CNTN1: variants seen among roughly 807,000 people sequenced by gnomAD.
CNTN1 encodes the protein contactin 1, also known as contactin-1.
In CNTN1, 38 loss-of-function variants were observed where a neutral mutation model predicts 126.4. The observed-to-expected ratio is 0.30, with a 90% CI of 0.23 to 0.39. CNTN1 has a LOEUF of 0.39. Ranked by LOEUF, CNTN1 falls within the 10% of genes least tolerant of loss-of-function variation. CNTN1 has a pLI of 1.00. For synonymous variants in CNTN1, 413 were observed against 422.6 expected (o/e 0.98, Z 0.28); for missense variants, 1,009 against 1,248.4 (o/e 0.81, Z 2.89).
In CNTN1 at chr12:40,910,099, C is replaced by T. The variant is rs761115531; in HGVS notation, c.88C>T (p.His30Tyr). 3.7e-6 allele frequency: 6 copies of T among 1,605,468 alleles called. No homozygotes were observed. The highest frequency in any genetic ancestry group is 5.1e-6 in the Non-Finnish European group (6 of 1,173,382). The change falls in exon 3 of 24, where the codon CAT (histidine) becomes TAT (tyrosine). Residue 30 changes from histidine (H) to tyrosine (Y), a missense_variant. Coordinates refer to ENST00000551295, the MANE Select transcript of CNTN1 (RefSeq NM_001843.4). ...GTTTACATGGTATAGAAGATATGGT[C>T]ATGGAGGTAAGTTGACCAAAGAGTA... ...AEFTWYRRYG[H>Y]GVSEEDKGFG...
intron 15 of CNTN1, among the ~76,000 whole-genome samples, chr12:40,964,300 C>T (rs1336960970): frequency 6.6e-6 from 1 of 152,084 alleles, no homozygotes. Flanking sequence ...AACGACTTTG[C>T]TATCTAAACT....
At chr12:40,792,579 A>C (rs1184094960) in intron 1 of CNTN1, among the ~76,000 whole-genome samples, 1 of 152,130 alleles carries the variant, frequency 6.6e-6, no homozygotes, top group African/African-American at 2.4e-5. Flanking sequence ...GAAAGCCTTG[A>C]GGACACAGAC....
At chr12:41,036,837 T>C (rs1431620722) in intron 23 of CNTN1, among the ~76,000 whole-genome samples, 1 of 152,186 alleles carries the variant, frequency 6.6e-6, no homozygotes, top group African/African-American at 2.4e-5. Flanking sequence ...TTTAAAGGCT[T>C]GGCATATACT....
intron 15 of CNTN1, among the ~76,000 whole-genome samples, chr12:40,976,604 T>C (rs1010550129): frequency 5.9e-5 from 9 of 152,034 alleles, no homozygotes; most frequent in African/African-American, 1.9e-4. Context: ...GTTTTTTTCA[T>C]TGACAAAAGA....
chr12:40,852,296 G>A (rs1942748886), intron 1 of CNTN1, among the ~76,000 whole-genome samples: 1 of 152,130 alleles, frequency 6.6e-6, no homozygotes, highest in Non-Finnish European at 1.5e-5. Context: ...ACTTAAGGTT[G>A]GTATGAAAGC....
intron 14 of CNTN1, among the ~76,000 whole-genome samples, chr12:40,950,363 G>A (rs1279978430): frequency 6.6e-6 from 1 of 152,136 alleles, no homozygotes; most frequent in African/African-American, 2.4e-5. Flanking sequence ...GCATCTGAGA[G>A]TATTGGGGAC....
At chr12:40,879,952 A>G (rs1472783001) in intron 1 of CNTN1, among the ~76,000 whole-genome samples, 1 of 152,134 alleles carries the variant, frequency 6.6e-6, no homozygotes, top group Non-Finnish European at 1.5e-5. Context: ...AATAAACAGC[A>G]TTGTCTTATC....
At chr12:40,762,724 A>G (rs1938913195) in intron 1 of CNTN1, among the ~76,000 whole-genome samples, 1 of 152,194 alleles carries the variant, frequency 6.6e-6, no homozygotes, top group Non-Finnish European at 1.5e-5. Flanking sequence ...GTGTGCAGGT[A>G]CCACAGATAA....
chr12:40,772,998 G>A (rs957034954), intron 1 of CNTN1, among the ~76,000 whole-genome samples: 3 of 151,800 alleles, frequency 2.0e-5, no homozygotes, highest in Non-Finnish European at 2.9e-5. Context: ...TTGGATATAC[G>A]CACATTGGAT....
intron 23 of CNTN1, among the ~76,000 whole-genome samples, chr12:41,064,954 C>T (rs1283130362): frequency 2.6e-5 from 4 of 152,178 alleles, no homozygotes; most frequent in Admixed American, 6.5e-5. Flanking sequence ...TTGAACTTTG[C>T]TTTGCCTGTT....
chr12:40,955,897 T>C (rs959819275), intron 14 of CNTN1, among the ~76,000 whole-genome samples: 2 of 152,036 alleles, frequency 1.3e-5, no homozygotes, highest in East Asian at 3.9e-4. Context: ...ATCCAGGCAA[T>C]GCAAGTGATA....
intron 23 of CNTN1, among the ~76,000 whole-genome samples, chr12:41,038,359 G>C (rs1308119804): frequency 6.6e-6 from 1 of 151,978 alleles, no homozygotes; most frequent in Non-Finnish European, 1.5e-5. Flanking sequence ...TCTCAATTTT[G>C]GGGGCTAGAT....
chr12:40,799,448 AG>A (rs1940563896), intron 1 of CNTN1, among the ~76,000 whole-genome samples: 2 of 151,968 alleles, frequency 1.3e-5, no homozygotes, highest in Non-Finnish European at 2.9e-5. Context: ...AGCATTAAGA[AG>A]TTGGTAAAAA....
intron 16 of CNTN1, 117 bp from the exon 17 acceptor site, chr12:40,993,003 T>G: frequency 1.2e-6 from 1 of 868,516 alleles, no homozygotes; most frequent in Non-Finnish European, 1.8e-6. Flanking sequence ...TTGTAGTTTT[T>G]ACTTCAACTC....
At chr12:41,013,191 AT>A (rs1411382443) in intron 17 of CNTN1, among the ~76,000 whole-genome samples, 2 of 152,098 alleles carry the variant, frequency 1.3e-5, no homozygotes, top group Admixed American at 1.3e-4. Context: ...CCCTAATCTT[AT>A]TATGCAAATA....
intron 1 of CNTN1, among the ~76,000 whole-genome samples, chr12:40,733,973 G>A (rs985327726): frequency 1.4e-4 from 22 of 151,936 alleles, no homozygotes; most frequent in African/African-American, 5.1e-4. Flanking sequence ...CTGTTCCTGG[G>A]TTTTCCCTGC....
chr12:40,722,546 TCAAA>T (rs1942243178), intron 1 of CNTN1, among the ~76,000 whole-genome samples: 3 of 152,176 alleles, frequency 2.0e-5, no homozygotes, highest in African/African-American at 4.8e-5. Flanking sequence ...AACTCCACTC[TCAAA>T]CAGAGAGTCA....
intron 1 of CNTN1, among the ~76,000 whole-genome samples, chr12:40,820,413 T>C (rs1941407999): frequency 6.6e-6 from 1 of 152,140 alleles, no homozygotes; most frequent in African/African-American, 2.4e-5. Flanking sequence ...TGTGGACACA[T>C]GTGGAGTGGC....
chr12:40,848,810 T>A (rs2136609622), intron 1 of CNTN1, among the ~76,000 whole-genome samples: 1 of 142,418 alleles, frequency 7.0e-6, no homozygotes, highest in East Asian at 2.1e-4. Flanking sequence ...TCAGACACTC[T>A]AGGGCACCAG....
Sources: gnomAD v4.1 joint callset for allele counts (sites outside exome capture counted in the v4.1 genomes callset) on GRCh38, gnomAD v4.1.1 for gene constraint, MANE v1.5 for transcripts, NCBI Gene and HGNC (gene_info 2026-07-23, HGNC 2026-07-21) for gene names.